Variants in ZNF407 observed in about 807,000 individuals in gnomAD.
The protein encoded by ZNF407 is zinc finger protein 407.
ZNF407 carries 17 observed loss-of-function variants against 131.2 expected under a neutral mutation model. The ratio of observed to expected loss-of-function variants is 0.13; its 90% CI spans 0.09 to 0.19. The LOEUF is 0.19. Among genes scored for constraint, ZNF407 ranks in the 10% least tolerant of loss-of-function variants. The pLI, the probability that ZNF407 is intolerant of heterozygous loss-of-function variation, is 1.00. For synonymous variants in ZNF407, 1,156 were observed against 1,062.0 expected (o/e 1.09, Z -1.72); for missense variants, 2,681 against 2,830.6 (o/e 0.95, Z 1.20).
At chr18:75,002,678 G>A (rs533757089) in intron 8 of ZNF407, among the ~76,000 whole-genome samples, 11 of 152,102 alleles carry the variant, frequency 7.2e-5, no homozygotes, top group Admixed American at 2.6e-4. Flanking sequence ...GGTGACGGGC[G>A]CCTGTAGTCC....
intron 7 of ZNF407, among the ~76,000 whole-genome samples, chr18:74,912,220 A>G (rs150086935): frequency 6.6e-6 from 1 of 152,264 alleles, no homozygotes; most frequent in East Asian, 1.9e-4. Context: ...CATAGAAATT[A>G]CCTGGGTATG....
At chr18:74,797,608 A>C (rs1427702779) in intron 4 of ZNF407, among the ~76,000 whole-genome samples, 1 of 152,246 alleles carries the variant, frequency 6.6e-6, no homozygotes, top group African/African-American at 2.4e-5. Flanking sequence ...ACGTTCATAA[A>C]GGGAAAGTTT....
At chr18:74,758,909 A>T (rs1159793479) in intron 3 of ZNF407, among the ~76,000 whole-genome samples, 2 of 152,192 alleles carry the variant, frequency 1.3e-5, no homozygotes, top group Non-Finnish European at 2.9e-5. Flanking sequence ...TTAAAAAATT[A>T]CCTACGTCAT....
At chr18:74,845,631 A>G (rs1439628607) in intron 4 of ZNF407, among the ~76,000 whole-genome samples, 2 of 129,096 alleles carry the variant, frequency 1.5e-5, no homozygotes, top group African/African-American at 2.5e-5. Flanking sequence ...TTACACTATA[A>G]CTAAAAGCTT....
chr18:74,617,808 G>A (rs1001361055), intron 1 of ZNF407, among the ~76,000 whole-genome samples: 3 of 152,138 alleles, frequency 2.0e-5, no homozygotes, highest in African/African-American at 7.2e-5. Flanking sequence ...GCAGGTTATG[G>A]GGAGATGCTT....
intron 8 of ZNF407, among the ~76,000 whole-genome samples, chr18:74,929,324 A>C (rs1032005121): frequency 1.3e-5 from 2 of 152,176 alleles, no homozygotes; most frequent in Non-Finnish European, 2.9e-5. Flanking sequence ...GGCAGGCAGC[A>C]CTGCGATCTT....
rs191820832 is a variant in ZNF407 at position 74,720,609 on chromosome 18, C to A, written c.4803-60819C>A. The stretch of plus-strand genomic sequence containing the variant: ...TCCTGAAGCAGTTCTCCTATGTTTT[C>A]TTCTGTTACTTTCATGATTTTGGGT... On this transcript the variant is annotated intron_variant, in intron 3 of 8. Transcript: ENST00000299687. Among the ~76,000 whole-genome samples, 452 of 152,070 alleles carry A rather than the reference C, an allele frequency of 3.0e-3. 1 individual carries two copies. The highest frequency in any genetic ancestry group is 8.2e-4 in the Non-Finnish European group (56 of 67,970).
At chr18:74,935,117 G>A (rs970135061) in intron 8 of ZNF407, among the ~76,000 whole-genome samples, 1 of 152,150 alleles carries the variant, frequency 6.6e-6, no homozygotes, top group African/African-American at 2.4e-5. Context: ...ATGACTATTT[G>A]TAATAAATAG....
chr18:74,790,857 T>A (rs1264788982), intron 4 of ZNF407, among the ~76,000 whole-genome samples: 1 of 152,242 alleles, frequency 6.6e-6, no homozygotes, highest in Non-Finnish European at 1.5e-5. Context: ...TTTTGTCAAG[T>A]TGCATCAAAG....
intron 6 of ZNF407, among the ~76,000 whole-genome samples, chr18:74,888,862 G>A (rs919786745): frequency 6.6e-5 from 10 of 152,108 alleles, no homozygotes; most frequent in Non-Finnish European, 1.3e-4. Flanking sequence ...CTATCTTCGT[G>A]TCCTCTGCAA....
intron 3 of ZNF407, among the ~76,000 whole-genome samples, chr18:74,733,980 G>A (rs1342392099): frequency 1.3e-5 from 2 of 151,942 alleles, no homozygotes; most frequent in African/African-American, 4.8e-5. Flanking sequence ...AAATTTACTG[G>A]TTATTTTTTT....
At chr18:75,043,771 A>G (rs1376458282) in intron 8 of ZNF407, among the ~76,000 whole-genome samples, 1 of 152,186 alleles carries the variant, frequency 6.6e-6, no homozygotes, top group African/African-American at 2.4e-5. Context: ...CACAGTACTG[A>G]TAAAAAGGCT....
intron 8 of ZNF407, among the ~76,000 whole-genome samples, chr18:74,973,993 A>C (rs1304768098): frequency 3.3e-5 from 5 of 152,190 alleles, no homozygotes; most frequent in Non-Finnish European, 7.3e-5. Flanking sequence ...GGTGGTGGGG[A>C]TTAGAACTTT....
At chr18:75,020,298 ATATG>A (rs756122580) in intron 8 of ZNF407, among the ~76,000 whole-genome samples, 4 of 136,302 alleles carry the variant, frequency 2.9e-5, no homozygotes, top group African/African-American at 5.5e-5. Flanking sequence ...GTGTATGTGT[ATATG>A]TGTGTGTATG....
rs141624489 is a variant in ZNF407 at position 74,711,335 on chromosome 18, C to T, written c.4803-70093C>T. 2.2e-3 allele frequency among the ~76,000 whole-genome samples: 335 copies of T among 152,290 alleles called. 3 individuals are homozygous for T. The highest frequency in any genetic ancestry group is 0.02 in the Admixed American group (309 of 15,304). On this transcript the variant is annotated intron_variant, in intron 3 of 8. Coordinates refer to ENST00000299687, the MANE Select transcript of ZNF407 (RefSeq NM_017757.3). ...AAGTTGCAGTGGAATTTAAGGTGGC[C>T]AGTCAGCTGACCTTAAAACAGAGAG...
chr18:74,804,215 T>TGAATTCAA, intron 4 of ZNF407: 4 of 1,305,810 alleles, frequency 3.1e-6, no homozygotes, highest in Non-Finnish European at 3.9e-6. Flanking sequence ...ATCACACAAA[T>TGAATTCAA]GTAGGCTAGT....
At chr18:74,814,206 GC>G (rs1213178961) in intron 4 of ZNF407, among the ~76,000 whole-genome samples, 1 of 152,110 alleles carries the variant, frequency 6.6e-6, no homozygotes, top group Non-Finnish European at 1.5e-5. Context: ...TGCAGTGATA[GC>G]TCCCTGTAAC....
chr18:74,816,749 T>C (rs934878477), intron 4 of ZNF407, among the ~76,000 whole-genome samples: 3 of 152,228 alleles, frequency 2.0e-5, no homozygotes, highest in African/African-American at 4.8e-5. Flanking sequence ...AAGTATTCAC[T>C]TTTAACTTGC....
intron 4 of ZNF407, among the ~76,000 whole-genome samples, chr18:74,874,737 C>T (rs1309656820): frequency 4.4e-5 from 6 of 135,082 alleles, no homozygotes; most frequent in African/African-American, 1.7e-4. Context: ...TTTATAATGG[C>T]ATTTAATTTT....
Sources: allele counts gnomAD v4.1 joint callset (sites outside exome capture counted in the v4.1 genomes callset), GRCh38; gene constraint gnomAD v4.1.1; transcripts MANE v1.5; gene names NCBI Gene and HGNC (gene_info 2026-07-23, HGNC 2026-07-21).